EPHA5: variants seen among roughly 807,000 people sequenced by gnomAD.
EPHA5 encodes the protein ephrin type-A receptor 5.
Under a neutral mutation model 105.0 loss-of-function variants are expected in EPHA5, and 60 were observed. The observed-to-expected ratio is 0.57, with a 90% CI of 0.46 to 0.71. The LOEUF is 0.71. Ranked by LOEUF, EPHA5 falls within the 30% of genes least tolerant of loss-of-function variation. The pLI is 0.00. For synonymous variants in EPHA5, 513 were observed against 449.1 expected (o/e 1.14, Z -1.80); for missense variants, 1,218 against 1,274.7 (o/e 0.96, Z 0.68).
chr4:65,493,455 G>A (rs1176871240), intron 4 of EPHA5, among the ~76,000 whole-genome samples: 2 of 152,206 alleles, frequency 1.3e-5, no homozygotes, highest in Non-Finnish European at 2.9e-5. Flanking sequence ...GCAAAGTGAA[G>A]CTCAAGATCT....
chr4:65,573,896 C>T, intron 3 of EPHA5: 2 of 1,611,702 alleles, frequency 1.2e-6, no homozygotes, highest in South Asian at 1.1e-5. Context: ...CCAGCATTAC[C>T]CCCGGGACCA....
intron 3 of EPHA5, among the ~76,000 whole-genome samples, chr4:65,496,226 T>C (rs1164581376): frequency 6.6e-6 from 1 of 152,044 alleles, no homozygotes; most frequent in East Asian, 1.9e-4. Flanking sequence ...AGTTCAAACA[T>C]TATGTCTTTT....
chr4:65,450,401 G>C (rs1726954159), intron 5 of EPHA5, among the ~76,000 whole-genome samples: 1 of 152,022 alleles, frequency 6.6e-6, no homozygotes, highest in African/African-American at 2.4e-5. Context: ...GAAACACAGA[G>C]ACCACACATT....
intron 1 of EPHA5, among the ~76,000 whole-genome samples, chr4:65,653,936 T>C (rs1748835075): frequency 6.6e-6 from 1 of 152,058 alleles, no homozygotes; most frequent in African/African-American, 2.4e-5. Flanking sequence ...GTGCTGCTGT[T>C]ATCTTAGGCT....
rs189365878 is a variant in EPHA5 at position 65,621,225 on chromosome 4, C to T, written c.247-18921G>A. 2.6e-5 allele frequency among the ~76,000 whole-genome samples: 4 copies of T among 152,252 alleles called. No homozygotes were observed. In the East Asian group the frequency reaches 7.7e-4, roughly 29 times the overall value. On this transcript the variant is annotated intron_variant, in intron 2 of 16. Transcript: ENST00000613740. ...AACATTGAGAAGCATCACTTGTTTA[C>T]ACAAATTGCCTCATTCTTTACATAT...
At chr4:65,358,207 T>G (rs1292978651) in intron 11 of EPHA5, among the ~76,000 whole-genome samples, 1 of 151,526 alleles carries the variant, frequency 6.6e-6, no homozygotes, top group Non-Finnish European at 1.5e-5. Context: ...ATAGGCTTAT[T>G]ATTTTTATTT....
chr4:65,492,912 T>G lies in EPHA5; in HGVS notation c.1067-2200A>C, dbSNP rs531660839. Among the ~76,000 whole-genome samples, 8 of 152,200 alleles carry G rather than the reference T, an allele frequency of 5.3e-5. No homozygotes were observed. The South Asian group carries it at 1.7e-3, about 32-fold the overall frequency. Reference sequence around the variant, plus strand: ...ACAAAGTTATAGACAAAATGAAATTTAAGATAAAAAATTACAGGATTAACC... The same window carrying G: ...ACAAAGTTATAGACAAAATGAAATTGAAGATAAAAAATTACAGGATTAACC... On this transcript the variant is annotated intron_variant, in intron 4 of 16. Coordinates refer to ENST00000613740, the MANE Select transcript of EPHA5 (RefSeq NM_001281766.3).
intron 11 of EPHA5, among the ~76,000 whole-genome samples, chr4:65,356,843 A>G (rs2148869354): frequency 6.6e-6 from 1 of 151,618 alleles, no homozygotes; most frequent in East Asian, 1.9e-4. Flanking sequence ...TGCAAAAATG[A>G]CATAGCAATA....
At chr4:65,361,922 A>C (rs2148880829) in intron 11 of EPHA5, among the ~76,000 whole-genome samples, 1 of 151,654 alleles carries the variant, frequency 6.6e-6, no homozygotes, top group Middle Eastern at 3.4e-3. Context: ...TCAGGAACTA[A>C]GGATGCTGCA....
chr4:65,628,894 A>G (rs1451994662), intron 2 of EPHA5, among the ~76,000 whole-genome samples: 1 of 152,122 alleles, frequency 6.6e-6, no homozygotes, highest in Non-Finnish European at 1.5e-5. Flanking sequence ...TTTTTTTTCT[A>G]ACAGCCTTGG....
chr4:65,623,203 A>T (rs1022817698), intron 2 of EPHA5, among the ~76,000 whole-genome samples: 15 of 152,054 alleles, frequency 9.9e-5, no homozygotes, highest in African/African-American at 3.4e-4. Context: ...GTCAACATAT[A>T]CAATATATAA....
At chr4:65,470,643 G>A (rs1729197685) in intron 5 of EPHA5, among the ~76,000 whole-genome samples, 1 of 152,142 alleles carries the variant, frequency 6.6e-6, no homozygotes, top group Admixed American at 6.5e-5. Flanking sequence ...GTAATGGTAA[G>A]GCAGAAATAA....
intron 2 of EPHA5, among the ~76,000 whole-genome samples, chr4:65,602,692 C>T (rs1743857553): frequency 6.6e-6 from 1 of 151,400 alleles, no homozygotes; most frequent in African/African-American, 2.4e-5. Context: ...TCAGCATATA[C>T]ATAAATAGGG....
intron 7 of EPHA5, among the ~76,000 whole-genome samples, chr4:65,405,718 T>C (rs1033147412): frequency 6.6e-6 from 1 of 152,114 alleles, no homozygotes; most frequent in African/African-American, 2.4e-5. Context: ...TATACAATAG[T>C]ATTACCCTGT....
chr4:65,649,837 C>A (rs1469790720), intron 1 of EPHA5, among the ~76,000 whole-genome samples: 2 of 152,258 alleles, frequency 1.3e-5, no homozygotes, highest in Non-Finnish European at 2.9e-5. Flanking sequence ...CACTTTTCAT[C>A]TTCAGTGACA....
intron 11 of EPHA5, among the ~76,000 whole-genome samples, chr4:65,362,949 G>A (rs780234666): frequency 6.6e-6 from 1 of 151,620 alleles, no homozygotes; most frequent in Non-Finnish European, 1.5e-5. Flanking sequence ...ATGAAGAAAC[G>A]TTTTAGACTT....
chr4:65,347,042 A>G (rs972745517), intron 14 of EPHA5, among the ~76,000 whole-genome samples: 10 of 152,158 alleles, frequency 6.6e-5, no homozygotes, highest in African/African-American at 2.4e-4. Flanking sequence ...GAATTTTTAG[A>G]TTGGAAAGTG....
At chr4:65,509,289 A>G (rs1053061890) in intron 3 of EPHA5, among the ~76,000 whole-genome samples, 1 of 152,142 alleles carries the variant, frequency 6.6e-6, no homozygotes, top group Non-Finnish European at 1.5e-5. Flanking sequence ...TCTCAAATAT[A>G]TTTCATAGTA....
Position 65,321,810 on chromosome 4 carries a change from T to C in EPHA5, c.*2304A>G, listed in dbSNP as rs1414110662. ...AAGTTGGAAAACAATGTAGAAAATA[T>C]CTTTGTTATGTCTAAGCAATTGTGG... On this transcript the variant is annotated 3_prime_UTR_variant, in exon 17 of 17. Coordinates refer to ENST00000613740, the MANE Select transcript of EPHA5 (RefSeq NM_001281766.3). 8 of 227,402 alleles carry C rather than the reference T, an allele frequency of 3.5e-5. No homozygotes were observed. The highest frequency in any genetic ancestry group is 5.7e-5 in the Admixed American group (1 of 17,486). The allele number at this position is 227,402 out of a possible 1,614,324, so 14.1% of individuals were successfully genotyped here. A position where few individuals can be genotyped will look rare whatever the true frequency, so the allele number is the denominator to read the frequency against.
Sources: gnomAD v4.1 joint callset for allele counts (sites outside exome capture counted in the v4.1 genomes callset) on GRCh38, gnomAD v4.1.1 for gene constraint, MANE v1.5 for transcripts, NCBI Gene and HGNC (gene_info 2026-07-23, HGNC 2026-07-21) for gene names.